EXT1: variants seen among roughly 807,000 people sequenced by gnomAD.
The protein encoded by EXT1 is exostosin glycosyltransferase 1, also known as exostosin-1.
A neutral mutation model predicts 82.5 loss-of-function variants in EXT1; 20 were observed. The observed-to-expected ratio is 0.24, with a 90% CI of 0.17 to 0.35. EXT1 has a LOEUF of 0.35. EXT1 is among the 10% of genes least tolerant of loss of function. The pLI, the probability that EXT1 is intolerant of heterozygous loss-of-function variation, is 1.00. For missense variants in EXT1, 757 were observed against 936.5 expected (o/e 0.81, Z 2.50); for synonymous variants, 348 against 350.8 (o/e 0.99, Z 0.09).
At chr8:117,897,742 G>A (rs1020448515) in intron 1 of EXT1, among the ~76,000 whole-genome samples, 6 of 151,670 alleles carry the variant, frequency 4.0e-5, no homozygotes, top group African/African-American at 7.3e-5. Flanking sequence ...TTACAGGCGC[G>A]TACAACCACG....
At chr8:117,932,165 T>TG (rs577783910) in intron 1 of EXT1, among the ~76,000 whole-genome samples, 82 of 152,238 alleles carry the variant, frequency 5.4e-4, no homozygotes, top group Admixed American at 1.4e-3. Flanking sequence ...TTGAGGTTTT[T>TG]GGGGGGGTGC....
intron 1 of EXT1, among the ~76,000 whole-genome samples, chr8:117,971,987 C>T (rs1814950468): frequency 6.6e-6 from 1 of 151,946 alleles, no homozygotes; most frequent in African/African-American, 2.4e-5. Flanking sequence ...CCTGTTTCTT[C>T]TAAAAATACA....
At chr8:117,836,968 A>C (rs1812197375) in intron 2 of EXT1, 140 bp downstream of exon 2, 1 of 680,942 alleles carries the variant, frequency 1.5e-6, no homozygotes, top group South Asian at 1.6e-5. Context: ...AATGTTTTAG[A>C]TTTTCTTGAA....
chr8:117,918,967 A>AG (rs997052618), intron 1 of EXT1, among the ~76,000 whole-genome samples: 64 of 151,450 alleles, frequency 4.2e-4, no homozygotes, highest in African/African-American at 1.4e-3. Flanking sequence ...CCTGAGGCAA[A>AG]AAAAAAATCT....
chr8:117,856,735 A>G (rs560347039), intron 1 of EXT1, among the ~76,000 whole-genome samples: 7 of 152,306 alleles, frequency 4.6e-5, no homozygotes, highest in South Asian at 2.1e-4. Context: ...CAAGTTATCC[A>G]TAAGATCATT....
intron 1 of EXT1, among the ~76,000 whole-genome samples, chr8:118,086,056 C>T (rs1202897564): frequency 6.6e-6 from 1 of 152,152 alleles, no homozygotes; most frequent in Non-Finnish European, 1.5e-5. Flanking sequence ...AGGAAAAGCA[C>T]ACAATACTGG....
chr8:117,887,212 T>G (rs1407563210), intron 1 of EXT1, among the ~76,000 whole-genome samples: 1 of 152,212 alleles, frequency 6.6e-6, no homozygotes, highest in African/African-American at 2.4e-5. Flanking sequence ...GCCAATTATT[T>G]TTTTAGGTAG....
chr8:117,870,844 C>CAT, intron 1 of EXT1, among the ~76,000 whole-genome samples: 1 of 151,936 alleles, frequency 6.6e-6, no homozygotes, highest in Non-Finnish European at 1.5e-5. Context: ...CACACACACA[C>CAT]ACACAAAAGA....
chr8:117,818,736 C>T (rs914715606), intron 6 of EXT1, among the ~76,000 whole-genome samples: 3 of 152,038 alleles, frequency 2.0e-5, no homozygotes, highest in Non-Finnish European at 4.4e-5. Context: ...GGAGAGAGGA[C>T]AGAAAGAGCA....
At chr8:117,951,008 A>G (rs1012458966) in intron 1 of EXT1, among the ~76,000 whole-genome samples, 1 of 152,242 alleles carries the variant, frequency 6.6e-6, no homozygotes, top group Non-Finnish European at 1.5e-5. Flanking sequence ...CAAATAAGAT[A>G]AGGATTAAAT....
At chr8:117,804,250 C>T (rs1056606221) in intron 10 of EXT1, among the ~76,000 whole-genome samples, 1 of 152,148 alleles carries the variant, frequency 6.6e-6, no homozygotes, top group African/African-American at 2.4e-5. Flanking sequence ...CCCTAGAGAA[C>T]TCTCTTGCCC....
At chr8:117,879,331 C>T (rs1377556101) in intron 1 of EXT1, among the ~76,000 whole-genome samples, 1 of 151,894 alleles carries the variant, frequency 6.6e-6, no homozygotes, top group Non-Finnish European at 1.5e-5. Flanking sequence ...GCACACAGAA[C>T]GTAAAGTGAA....
intron 1 of EXT1, among the ~76,000 whole-genome samples, chr8:117,908,965 C>G (rs993205683): frequency 7.9e-5 from 12 of 151,848 alleles, no homozygotes; most frequent in Non-Finnish European, 1.3e-4. Flanking sequence ...AACCTCATCT[C>G]TACTAAAAAT....
intron 1 of EXT1, among the ~76,000 whole-genome samples, chr8:117,928,049 G>A (rs1320412733): frequency 6.6e-6 from 1 of 152,184 alleles, no homozygotes; most frequent in African/African-American, 2.4e-5. Context: ...CCTCCTTATT[G>A]AACAGGCCTG....
chr8:117,824,832 ATTATTC>A (rs1811983229), intron 4 of EXT1, among the ~76,000 whole-genome samples: 1 of 151,772 alleles, frequency 6.6e-6, no homozygotes, highest in Non-Finnish European at 1.5e-5. Flanking sequence ...TTTAGGATTG[ATTATTC>A]TTCTTCTTCT....
intron 5 of EXT1, among the ~76,000 whole-genome samples, chr8:117,820,593 C>A (rs1811906775): frequency 6.6e-6 from 1 of 151,666 alleles, no homozygotes; most frequent in East Asian, 1.9e-4. Context: ...GAGGCTGAAG[C>A]AGGAGAATTG....
At chr8:118,104,741 G>A (rs978196541) in intron 1 of EXT1, among the ~76,000 whole-genome samples, 1 of 152,160 alleles carries the variant, frequency 6.6e-6, no homozygotes, top group Non-Finnish European at 1.5e-5. Flanking sequence ...GCTCATGTCA[G>A]TGGTCAAAAG....
chr8:118,066,896 TAA>T (rs1382382497), intron 1 of EXT1, among the ~76,000 whole-genome samples: 1 of 149,468 alleles, frequency 6.7e-6, no homozygotes, highest in Non-Finnish European at 1.5e-5. Flanking sequence ...TTTCTGGAAA[TAA>T]AAGTTTTTTA....
rs149012668 is a variant in EXT1 at position 118,096,868 on chromosome 8, G to GT, written c.962+13216dup. On this transcript the variant is annotated intron_variant, in intron 1 of 10. Transcript: ENST00000378204. ...ATGCCTGAGCTACAAACCAAAGACA[G>GT]TAACATTTAGAGACTCCATACTTTG... is the stretch of plus-strand genomic sequence containing the variant. 5.3e-5 allele frequency among the ~76,000 whole-genome samples: 8 copies of GT among 152,322 alleles called. No homozygotes were observed. The East Asian group carries it at 1.5e-3, about 29-fold the overall frequency.
Sources: allele counts gnomAD v4.1 joint callset (sites outside exome capture counted in the v4.1 genomes callset), GRCh38; gene constraint gnomAD v4.1.1; transcripts MANE v1.5; gene names NCBI Gene and HGNC (gene_info 2026-07-23, HGNC 2026-07-21).